Variants in ANKRD31 observed in about 807,000 individuals in gnomAD.
ANKRD31 encodes the protein ankyrin repeat domain-containing protein 31.
A neutral mutation model predicts 186.0 loss-of-function variants in ANKRD31; 147 were observed. That is an observed-to-expected ratio of 0.79 (90% CI 0.69 to 0.91). ANKRD31 has a LOEUF of 0.91. Among genes scored for constraint, ANKRD31 ranks in the 40% least tolerant of loss-of-function variants. The pLI is 0.00. For missense variants in ANKRD31, 1,986 were observed against 2,148.8 expected, an observed-to-expected ratio of 0.92 and a Z score of 1.50; for synonymous variants, 673 against 736.4, an observed-to-expected ratio of 0.91 and a Z score of 1.39.
At chr5:75,182,719 TA>T (rs74813977) in intron 10 of ANKRD31, among the ~76,000 whole-genome samples, 1,319 of 124,534 alleles carry the variant, frequency 0.011, 6 homozygotes, top group East Asian at 0.026. Context: ...GAGTCCAACT[TA>T]AAAAAAAAAA....
chr5:75,223,678 G>A (rs1174860851), intron 2 of ANKRD31, among the ~76,000 whole-genome samples: 1 of 152,146 alleles, frequency 6.6e-6, no homozygotes, highest in Non-Finnish European at 1.5e-5. Flanking sequence ...TAAACAGCTT[G>A]TTATCGACTG....
intron 25 of ANKRD31, among the ~76,000 whole-genome samples, chr5:75,070,019 C>A (rs942533562): frequency 6.6e-6 from 1 of 152,184 alleles, no homozygotes; most frequent in Admixed American, 6.5e-5. Context: ...ACCTGAAGAT[C>A]TGTTCCTGGT....
At chr5:75,138,544 T>C (rs955988991) in intron 16 of ANKRD31, among the ~76,000 whole-genome samples, 2 of 152,152 alleles carry the variant, frequency 1.3e-5, no homozygotes, top group African/African-American at 4.8e-5. Flanking sequence ...TTCTGCATTC[T>C]CATCAAAGTT....
intron 19 of ANKRD31, among the ~76,000 whole-genome samples, chr5:75,115,918 C>A (rs1748202846): frequency 6.6e-6 from 1 of 151,966 alleles, no homozygotes; most frequent in South Asian, 2.1e-4. Context: ...GGTATATACC[C>A]AAAGGATTAT....
rs1580605658 is a variant in ANKRD31, at chr5:75,231,317, G to T, written c.105-682C>A. Among the ~76,000 whole-genome samples the T allele has an allele frequency of 2.0e-5, 3 of 151,438 alleles. No homozygotes were observed. In the East Asian group the frequency reaches 5.8e-4, roughly 29 times the overall value. The stretch of plus-strand genomic sequence containing the variant: ...TGGTCTTGAACTCCTGAACTTAAAT[G>T]ATCCTGCCTTGACCTCCCAAAGTGC... On this transcript the variant is annotated intron_variant, in intron 1 of 25. Transcript: ENST00000506364.
intron 19 of ANKRD31, among the ~76,000 whole-genome samples, chr5:75,116,348 A>C: frequency 6.6e-6 from 1 of 152,012 alleles, no homozygotes; most frequent in Non-Finnish European, 1.5e-5. Flanking sequence ...AGCATAGCAC[A>C]TGTATACATA....
At chr5:75,194,802 A>G (rs1755352788) in intron 7 of ANKRD31, among the ~76,000 whole-genome samples, 1 of 152,114 alleles carries the variant, frequency 6.6e-6, no homozygotes, top group Admixed American at 6.6e-5. Context: ...ATTAGTATAA[A>G]ATGAACTAAT....
At chr5:75,069,954 A>G (rs529673697) in intron 25 of ANKRD31, among the ~76,000 whole-genome samples, 1 of 152,312 alleles carries the variant, frequency 6.6e-6, no homozygotes, top group African/African-American at 2.4e-5. Flanking sequence ...TGGAGCTGAG[A>G]AATGGAAAGC....
At chr5:75,089,532 C>CAG (rs1745768848) in intron 23 of ANKRD31, among the ~76,000 whole-genome samples, 1 of 152,080 alleles carries the variant, frequency 6.6e-6, no homozygotes, top group Non-Finnish European at 1.5e-5. Context: ...GGAGTTACTC[C>CAG]AAGACAAGAA....
intron 17 of ANKRD31, among the ~76,000 whole-genome samples, chr5:75,132,616 C>T (rs977309812): frequency 6.6e-6 from 1 of 152,284 alleles, no homozygotes; most frequent in Non-Finnish European, 1.5e-5. Context: ...AGGAGAACTT[C>T]CCCAATCTAG....
At position 75,193,549 on chromosome 5, in the gene ANKRD31, G is replaced by T. The variant is rs530038515; in HGVS notation, c.1060C>A (p.His354Asn). The T allele has an allele frequency of 1.3e-6, 2 of 1,536,670 alleles. No individual in the cohort carries two copies. Among genetic ancestry groups the T allele is most frequent in the Non-Finnish European group, 1.7e-6 (2 of 1,146,612 alleles). Residue 354 changes from histidine (H) to asparagine (N), a missense_variant, in exon 8 of 26, where the codon CAT becomes AAT. Physicochemically the swap from His to Asn is moderately conservative, Grantham distance 68. Coordinates refer to ENST00000506364, the MANE Select transcript of ANKRD31 (RefSeq NM_001372053.1). ...PNPSGLQTLA[H>N]QNITSCEPLS... ...GGCTCACAAGAAGTGATATTTTGAT[G>T]AGCCAAAGTTTGCAATCCAGATGGA...
At chr5:75,098,620 G>GTAGT (rs1004600638) in intron 22 of ANKRD31, among the ~76,000 whole-genome samples, 8 of 152,138 alleles carry the variant, frequency 5.3e-5, no homozygotes, top group Non-Finnish European at 1.2e-4. Context: ...GCAGTGGTTT[G>GTAGT]TAGTTCTCCT....
intron 2 of ANKRD31, among the ~76,000 whole-genome samples, chr5:75,224,381 T>G (rs962768160): frequency 6.6e-6 from 1 of 151,444 alleles, no homozygotes; most frequent in Non-Finnish European, 1.5e-5. Flanking sequence ...CTACCATACA[T>G]AGAAATATAT....
intron 11 of ANKRD31, among the ~76,000 whole-genome samples, chr5:75,163,823 T>C (rs1038149254): frequency 4.6e-5 from 7 of 152,194 alleles, no homozygotes; most frequent in African/African-American, 1.7e-4. Context: ...CTGTTTAAGC[T>C]AAATAAGTGA....
rs533979658 is a variant in ANKRD31 at position 75,206,340 on chromosome 5, A to G, written c.403+71T>C. The G allele has an allele frequency of 1.1e-5, 6 of 539,070 alleles. No individual in the cohort carries two copies. In the South Asian group the frequency reaches 2.1e-4, roughly 19 times the overall value. The allele number at this position is 539,070 out of a possible 1,614,324, so 33.4% of individuals were successfully genotyped here. A position where few individuals can be genotyped will look rare whatever the true frequency, so the allele number is the denominator to read the frequency against. ...GACCAGCCTAGTTGTAAATAAATGTATATCTAACTAAGTCTTCTATTTTTA... is the reference window on the plus strand; with the variant it reads ...GACCAGCCTAGTTGTAAATAAATGTGTATCTAACTAAGTCTTCTATTTTTA... On this transcript the variant is annotated intron_variant, in intron 5 of 25. Transcript: ENST00000506364.
intron 5 of ANKRD31, among the ~76,000 whole-genome samples, chr5:75,202,350 G>A (rs925424271): frequency 6.6e-6 from 1 of 152,152 alleles, no homozygotes; most frequent in Non-Finnish European, 1.5e-5. Flanking sequence ...AACACATTTA[G>A]AAGGAATTAT....
intron 17 of ANKRD31, among the ~76,000 whole-genome samples, chr5:75,121,686 TAAAC>T (rs771620181): frequency 3.2e-4 from 49 of 152,016 alleles, no homozygotes; most frequent in Non-Finnish European, 5.9e-4. Context: ...TACATGAAAT[TAAAC>T]AACACACTCC....
intron 11 of ANKRD31, among the ~76,000 whole-genome samples, chr5:75,166,061 A>G (rs530475427): frequency 8.5e-4 from 129 of 152,358 alleles, no homozygotes; most frequent in Non-Finnish European, 1.8e-3. Context: ...TGGGTAAAAT[A>G]GTATTATGTC....
rs749434852 is a variant in ANKRD31 at position 75,137,963 on chromosome 5, A to T, written c.3769T>A (p.Ser1257Thr). Reference protein sequence around the residue: ...TPLHEASNEGSIDIIVELLKA... With the variant: ...TPLHEASNEGTIDIIVELLKA... ...AATAACTCTACAATTATATCAATAG[A>T]TCCTTCATTAGATGCCTCATGAAGT... is the stretch of plus-strand genomic sequence containing the variant. Residue 1257 changes from serine (S) to threonine (T), a missense_variant, in exon 17 of 26, where the codon TCT (serine) becomes ACT (threonine). Coordinates refer to ENST00000506364, the MANE Select transcript of ANKRD31 (RefSeq NM_001372053.1). 6.6e-7 allele frequency: 1 copy of T among 1,526,258 alleles called. No individual in the cohort carries two copies. Among genetic ancestry groups the T allele is most frequent in the Non-Finnish European group, 8.7e-7 (1 of 1,142,924 alleles). The allele number at this position is 1,526,258 out of a possible 1,614,324, so 94.5% of individuals were successfully genotyped here. A position where few individuals can be genotyped will look rare whatever the true frequency, so the allele number is the denominator to read the frequency against.
Sources: allele counts gnomAD v4.1 joint callset (sites outside exome capture counted in the v4.1 genomes callset), GRCh38; gene constraint gnomAD v4.1.1; transcripts MANE v1.5; gene names NCBI Gene and HGNC (gene_info 2026-07-23, HGNC 2026-07-21).